The following GRAMD1B variants were observed in gnomAD, a reference collection of about 807,000 sequenced individuals.
GRAMD1B encodes protein Aster-B.
In GRAMD1B, 37 loss-of-function variants were observed where a neutral mutation model predicts 99.7. That is an observed-to-expected ratio of 0.37 (90% CI 0.29 to 0.49). The LOEUF is 0.49. GRAMD1B is among the 20% of genes least tolerant of loss of function. GRAMD1B has a pLI of 0.98. For missense variants in GRAMD1B, 888 were observed against 1,009.2 expected, an observed-to-expected ratio of 0.88 and a Z score of 1.63; for synonymous variants, 427 against 387.6, an observed-to-expected ratio of 1.10 and a Z score of -1.19.
rs141599526 is a variant in GRAMD1B at position 123,547,320 on chromosome 11, C to T, written c.453-30047C>T. On this transcript the variant is annotated intron_variant, in intron 2 of 19. Transcript: ENST00000635736. ...TTTCCAGTACAAAAATCACATGGCC[C>T]TGTGCTCACTCCTCCTCTGGGGCTT... 1.7e-4 allele frequency among the ~76,000 whole-genome samples: 26 copies of T among 152,324 alleles called. 1 individual carries two copies. The East Asian group carries it at 4.8e-3, about 28-fold the overall frequency.
At chr11:123,416,385 T>A (rs534937878) in intron 1 of GRAMD1B, among the ~76,000 whole-genome samples, 1 of 152,210 alleles carries the variant, frequency 6.6e-6, no homozygotes, top group Non-Finnish European at 1.5e-5. Context: ...AAATCTGAGA[T>A]GCTGACCAGC....
At chr11:123,527,976 T>G (rs1942966675) in intron 2 of GRAMD1B, among the ~76,000 whole-genome samples, 1 of 152,184 alleles carries the variant, frequency 6.6e-6, no homozygotes, top group African/African-American at 2.4e-5. Context: ...TTGGGATAAT[T>G]TTGTCTTCTT....
At chr11:123,470,102 A>G (rs1470602312) in intron 1 of GRAMD1B, among the ~76,000 whole-genome samples, 1 of 152,216 alleles carries the variant, frequency 6.6e-6, no homozygotes, top group Non-Finnish European at 1.5e-5. Flanking sequence ...CACTGACTTT[A>G]CTGGGTTCCA....
chr11:123,559,120 C>T (rs978934089), intron 2 of GRAMD1B, among the ~76,000 whole-genome samples: 7 of 152,160 alleles, frequency 4.6e-5, no homozygotes, highest in African/African-American at 9.7e-5. Context: ...GGAATAGCAA[C>T]GTGGGCATCG....
chr11:123,359,612 A>G (rs1026106024), intron 1 of GRAMD1B, among the ~76,000 whole-genome samples: 1 of 151,986 alleles, frequency 6.6e-6, no homozygotes, highest in African/African-American at 2.4e-5. Flanking sequence ...GCTGCCCCCA[A>G]GCTTTAGTTT....
chr11:123,540,859 A>G (rs889742951), intron 2 of GRAMD1B, among the ~76,000 whole-genome samples: 1 of 152,216 alleles, frequency 6.6e-6, no homozygotes, highest in Non-Finnish European at 1.5e-5. Flanking sequence ...TAAGGATAGC[A>G]TCACAAACAT....
In GRAMD1B at chr11:123,430,932, G is replaced by T. The variant is rs1354097902; in HGVS notation, c.140G>T (p.Arg47Leu). 1 of 702,748 alleles carries T rather than the reference G, an allele frequency of 1.4e-6. No homozygotes were observed. Among genetic ancestry groups the T allele is most frequent in the East Asian group, 2.7e-5 (1 of 37,252 alleles). 43.5% of individuals were successfully genotyped at this position (702,748 alleles called of 1,614,324 possible). Residue 47 changes from arginine (R) to leucine (L), a missense_variant, in exon 1 of 20, where the codon CGC (arginine) becomes CTC (leucine). By Grantham distance (102) the Arg-to-Leu change is moderately radical. Transcript: ENST00000635736. ...CGCCGCCGGCGCTTCAAGATGCGCC[G>T]CATGAAGAACGTACAGGAGCAGAGC... is the stretch of plus-strand genomic sequence containing the variant. Reference protein sequence around the residue: ...TLRRRRFKMRRMKNVQEQSLE... With the variant: ...TLRRRRFKMRLMKNVQEQSLE...
Position 123,625,336 on chromosome 11 carries a change from T to A in GRAMD1B, c.*2741T>A, listed in dbSNP as rs1374440110. The A allele has an allele frequency of 1.3e-5, 2 of 152,246 alleles. No individual in the cohort carries two copies. The highest frequency in any genetic ancestry group is 4.8e-5 in the African/African-American group (2 of 41,470). 9.4% of individuals were successfully genotyped at this position (152,246 alleles called of 1,614,324 possible). On this transcript the variant is annotated 3_prime_UTR_variant, in exon 20 of 20. Transcript: ENST00000635736. ...CACACAGGAGTCTTTCTGTAATGACTTATGTGGTAAAATGTTTGAGAGTTT... is the reference window on the plus strand; with the variant it reads ...CACACAGGAGTCTTTCTGTAATGACATATGTGGTAAAATGTTTGAGAGTTT...
At chr11:123,494,189 C>T (rs1375073290) in intron 2 of GRAMD1B, among the ~76,000 whole-genome samples, 3 of 152,118 alleles carry the variant, frequency 2.0e-5, no homozygotes, top group Admixed American at 6.5e-5. Context: ...AATGAATAAC[C>T]ATATACGACT....
At chr11:123,360,478 C>G (rs947261042) in intron 1 of GRAMD1B, among the ~76,000 whole-genome samples, 36 of 152,180 alleles carry the variant, frequency 2.4e-4, no homozygotes, top group African/African-American at 8.4e-4. Context: ...CTGGGCGTCA[C>G]TGGTGTTCAA....
intron 2 of GRAMD1B, among the ~76,000 whole-genome samples, chr11:123,548,626 A>G (rs1311344710): frequency 1.3e-5 from 2 of 151,684 alleles, no homozygotes; most frequent in East Asian, 1.9e-4. Flanking sequence ...ATGAATATAT[A>G]TATATATGAG....
chr11:123,538,346 T>C (rs964169108), intron 2 of GRAMD1B, among the ~76,000 whole-genome samples: 1 of 152,184 alleles, frequency 6.6e-6, no homozygotes, highest in Admixed American at 6.5e-5. Flanking sequence ...AGTGTCTTGC[T>C]TGGCATGGTG....
At chr11:123,444,652 T>G (rs570753513) in intron 1 of GRAMD1B, among the ~76,000 whole-genome samples, 1 of 150,944 alleles carries the variant, frequency 6.6e-6, no homozygotes, top group Non-Finnish European at 1.5e-5. Context: ...CAGCTGGGGG[T>G]TTTAGAATTT....
At chr11:123,581,142 G>A (rs1255289514) in intron 3 of GRAMD1B, among the ~76,000 whole-genome samples, 1 of 152,072 alleles carries the variant, frequency 6.6e-6, no homozygotes, top group Non-Finnish European at 1.5e-5. Flanking sequence ...GTTTCCAGGG[G>A]CCTTGCATTC....
chr11:123,558,747 G>T (rs2135964596), intron 2 of GRAMD1B, among the ~76,000 whole-genome samples: 1 of 152,332 alleles, frequency 6.6e-6, no homozygotes, highest in African/African-American at 2.4e-5. Flanking sequence ...TTTCTTTGGA[G>T]CTGGGATTCC....
intron 2 of GRAMD1B, among the ~76,000 whole-genome samples, chr11:123,531,939 G>A (rs1211044408): frequency 1.3e-5 from 2 of 151,882 alleles, no homozygotes; most frequent in East Asian, 1.9e-4. Flanking sequence ...GTTTCTCTAT[G>A]TTGGTCAGTC....
chr11:123,489,610 G>A (rs1294478501), intron 2 of GRAMD1B, among the ~76,000 whole-genome samples: 1 of 152,154 alleles, frequency 6.6e-6, no homozygotes, highest in Non-Finnish European at 1.5e-5. Context: ...GAGGTCATTG[G>A]TTACCACAGA....
intron 2 of GRAMD1B, among the ~76,000 whole-genome samples, chr11:123,567,394 A>G (rs1395420825): frequency 6.6e-6 from 1 of 152,210 alleles, no homozygotes; most frequent in Non-Finnish European, 1.5e-5. Flanking sequence ...AAAGTGATTT[A>G]TGTCTGATTT....
intron 1 of GRAMD1B, among the ~76,000 whole-genome samples, chr11:123,367,374 C>G (rs895773344): frequency 1.3e-5 from 2 of 152,162 alleles, no homozygotes; most frequent in East Asian, 3.8e-4. Context: ...GTCATAGGAA[C>G]GCCAAGTCCA....
Sources: gnomAD v4.1 joint callset for allele counts (sites outside exome capture counted in the v4.1 genomes callset) on GRCh38, gnomAD v4.1.1 for gene constraint, MANE v1.5 for transcripts, NCBI Gene and HGNC (gene_info 2026-07-23, HGNC 2026-07-21) for gene names.